IGF2R: variants seen among roughly 807,000 people sequenced by gnomAD.
The protein encoded by IGF2R is insulin like growth factor 2 receptor, also known as cation-independent mannose-6-phosphate receptor.
A neutral mutation model predicts 270.6 loss-of-function variants in IGF2R; 91 were observed. The ratio of observed to expected loss-of-function variants is 0.34; its 90% CI spans 0.28 to 0.40. The LOEUF is 0.40. IGF2R is among the 10% of genes least tolerant of loss of function. The pLI is 1.00. For synonymous variants in IGF2R, 1,316 were observed against 1,258.9 expected, an observed-to-expected ratio of 1.05 and a Z score of -0.96; for missense variants, 2,805 against 3,188.3, an observed-to-expected ratio of 0.88 and a Z score of 2.90.
intron 44 of IGF2R, chr6:160,094,012 C>T: frequency 1.6e-6 from 1 of 634,590 alleles, no homozygotes; most frequent in Non-Finnish European, 3.1e-6. Flanking sequence ...AGACAGCAAA[C>T]TATTCCTTGC....
At chr6:159,992,949 A>G (rs1445813871) in intron 2 of IGF2R, among the ~76,000 whole-genome samples, 1 of 152,178 alleles carries the variant, frequency 6.6e-6, no homozygotes, top group East Asian at 1.9e-4. Context: ...AATAATTGCC[A>G]TTCCAGTGGG....
intron 19 of IGF2R, among the ~76,000 whole-genome samples, chr6:160,051,854 C>G (rs969201790): frequency 1.3e-5 from 2 of 151,768 alleles, no homozygotes; most frequent in African/African-American, 4.8e-5. Flanking sequence ...CCCAGTTACT[C>G]TGGAGGCTGA....
At chr6:160,013,677 T>A (rs1784373961) in intron 4 of IGF2R, among the ~76,000 whole-genome samples, 1 of 152,236 alleles carries the variant, frequency 6.6e-6, no homozygotes, top group Admixed American at 6.5e-5. Context: ...AATTTTGGAA[T>A]GCTTTCAGGG....
chr6:160,069,823 T>A, intron 30 of IGF2R, 45 bp from the exon 31 acceptor site: 1 of 1,581,480 alleles, frequency 6.3e-7, no homozygotes, highest in Non-Finnish European at 8.7e-7. Context: ...TGTTCTAGCC[T>A]GGGGAGTCAC....
Position 160,010,026 on chromosome 6 carries a change from T to C in IGF2R, c.415-661T>C, listed in dbSNP as rs531047655. Among the ~76,000 whole-genome samples, 3 of 152,370 alleles carry C rather than the reference T, an allele frequency of 2.0e-5. No homozygotes were observed. In the South Asian group the frequency reaches 6.2e-4, roughly 32 times the overall value. The stretch of plus-strand genomic sequence containing the variant: ...TCGCAGCAGCATTAAATGAGATTTA[T>C]ATTACAGAATAAAATATATAGCTCC... On this transcript the variant is annotated intron_variant, in intron 3 of 47. Transcript: ENST00000356956.
chr6:160,073,167 A>G (rs765675723), intron 33 of IGF2R, 46 bp from the exon 34 acceptor site: 1 of 1,596,034 alleles, frequency 6.3e-7, no homozygotes, highest in Non-Finnish European at 8.6e-7. Flanking sequence ...AAAATTGGCC[A>G]TCGAGTCTGT....
chr6:159,997,618 C>T (rs532029012), intron 2 of IGF2R, among the ~76,000 whole-genome samples: 22 of 152,210 alleles, frequency 1.4e-4, no homozygotes, highest in Non-Finnish European at 3.1e-4. Context: ...TACCAAGTCC[C>T]TCAGGGCTCC....
chr6:160,044,483 A>C, intron 12 of IGF2R, 31 bp from the exon 13 acceptor site: 1 of 1,542,034 alleles, frequency 6.5e-7, no homozygotes, highest in Non-Finnish European at 8.9e-7. Flanking sequence ...TTTTAACCAC[A>C]TCTTCTGTTT....
rs1779389895 is a variant in IGF2R, at chr6:160,097,475, A to T, written c.6842+850A>T. ...CTCCCAAGTAGCTGGGATTGCAGGC[A>T]TGTGTCATTATGCCCTGCTAATTTT... is the stretch of plus-strand genomic sequence containing the variant. On this transcript the variant is annotated intron_variant, in intron 45 of 47. Transcript: ENST00000356956. 2.6e-5 allele frequency among the ~76,000 whole-genome samples: 4 copies of T among 152,060 alleles called. No homozygotes were observed. The South Asian group carries it at 8.3e-4, about 32-fold the overall frequency.
chr6:160,072,665 C>T (rs111643050), intron 32 of IGF2R, 100 bp from the exon 33 acceptor site: 1 of 1,346,036 alleles, frequency 7.4e-7, no homozygotes, highest in Non-Finnish European at 1.1e-6. Flanking sequence ...AGTCAGAAGT[C>T]CCGATGCTGA....
At chr6:160,090,145 C>T (rs200198664) in intron 44 of IGF2R, 42 bp downstream of exon 44, 11 of 1,373,462 alleles carry the variant, frequency 8.0e-6, no homozygotes, top group Non-Finnish European at 9.7e-6. Context: ...TTAACTTCCT[C>T]CAAGGAAGGG....
At chr6:160,047,686 C>A (rs1010000424) in intron 16 of IGF2R, 106 bp from the exon 17 acceptor site, 5 of 769,858 alleles carry the variant, frequency 6.5e-6, no homozygotes, top group African/African-American at 5.1e-5. Context: ...AGCTTTTCTT[C>A]ACAGTTTCTC....
intron 44 of IGF2R, chr6:160,096,146 A>C (rs1779351271): frequency 3.7e-6 from 1 of 271,642 alleles, no homozygotes; most frequent in African/African-American, 2.2e-5. Flanking sequence ...GACTGTTTTA[A>C]TCCACGGTTG....
In IGF2R at chr6:160,044,556, C is replaced by T. The variant is rs1274632884; in HGVS notation, c.1664C>T (p.Pro555Leu). The change falls in exon 13 of 48, where the codon CCC becomes CTC. Residue 555 changes from proline (P) to leucine (L), a missense_variant. Transcript: ENST00000356956. The part of the protein sequence containing the change: ...SKNLGKFISS[P>L]MKEKGNIQLS... ...AATCTGGGAAAATTTATTTCCTCTC[C>T]CATGAAAGAGAAAGGAAACATTCAA... 7.5e-6 allele frequency: 12 copies of T among 1,606,486 alleles called. No homozygotes were observed. Among genetic ancestry groups the T allele is most frequent in the African/African-American group, 1.3e-5 (1 of 74,642 alleles).
At chr6:160,023,140 G>A (rs564535738) in intron 4 of IGF2R, among the ~76,000 whole-genome samples, 34 of 152,234 alleles carry the variant, frequency 2.2e-4, no homozygotes, top group South Asian at 1.5e-3. Flanking sequence ...GGAATTGGGG[G>A]GCCAGTTAAG....
intron 1 of IGF2R, among the ~76,000 whole-genome samples, chr6:159,976,876 T>C (rs1783703141): frequency 6.6e-6 from 1 of 152,214 alleles, no homozygotes; most frequent in South Asian, 2.1e-4. Flanking sequence ...TATTATGTGT[T>C]TGGAAAAAAA....
chr6:160,024,480 A>G (rs911098143), intron 4 of IGF2R, 92 bp from the exon 5 acceptor site: 46 of 1,230,764 alleles, frequency 3.7e-5, no homozygotes, highest in Non-Finnish European at 4.6e-5. Flanking sequence ...TCCCTAAGGA[A>G]TGGAGAGCAG....
chr6:160,073,803 C>A lies in IGF2R; in HGVS notation c.4994C>A (p.Pro1665His). The A allele has an allele frequency of 2.3e-5, 37 of 1,614,152 alleles. No homozygotes were observed. Among genetic ancestry groups the A allele is most frequent in the Non-Finnish European group, 3.1e-5 (37 of 1,180,006 alleles). Residue 1665 changes from proline to histidine, a missense_variant, in exon 35 of 48, where the codon CCC becomes CAC. Physicochemically the swap from Pro to His is moderately conservative, Grantham distance 77 (BLOSUM62 -2). Around this residue, in one of 2 missense-constraint regions of IGF2R, gnomAD observed 1,851 missense variants for 2,207.2 expected, o/e 0.84. Coordinates refer to ENST00000356956, the MANE Select transcript of IGF2R (RefSeq NM_000876.4). ...GGAAGCTCTATTGTTGACTTGTCTC[C>A]CCTTATTCATCGCACTGGTGGTTAT... ...RNGSSIVDLS[P>H]LIHRTGGYEA...
At position 160,003,446 on chromosome 6, in the gene IGF2R, A is replaced by T. The variant is rs529939704; in HGVS notation, c.290-5564A>T. ...CTTTTGTGACTCAAACGGATAGAAG[A>T]AGTAGTACTATATGTAGATATTTGT... On this transcript the variant is annotated intron_variant, in intron 2 of 47. Coordinates refer to ENST00000356956, the MANE Select transcript of IGF2R (RefSeq NM_000876.4). The T allele has an allele frequency of 2.2e-4, 34 of 152,358 alleles. 1 individual carries two copies. The highest frequency in any genetic ancestry group is 5.8e-4 in the African/African-American group (24 of 41,574). 9.4% of individuals were successfully genotyped at this position (152,358 alleles called of 1,614,324 possible).
Sources: gnomAD v4.1 joint callset for allele counts (sites outside exome capture counted in the v4.1 genomes callset) on GRCh38, gnomAD v4.1.1 for gene constraint, gnomAD v4.1.1 regional missense constraint, MANE v1.5 for transcripts, NCBI Gene and HGNC (gene_info 2026-07-23, HGNC 2026-07-21) for gene names.